CADPS2: variants seen among roughly 807,000 people sequenced by gnomAD.
CADPS2 encodes the protein calcium dependent secretion activator 2.
CADPS2 carries 93 observed loss-of-function variants against 172.5 expected under a neutral mutation model. That is an observed-to-expected ratio of 0.54 (90% confidence interval 0.46 to 0.64). The LOEUF (loss-of-function observed/expected upper bound fraction) is 0.64. CADPS2 is among the 30% of genes least tolerant of loss of function. The probability of loss-of-function intolerance (pLI) is 0.00; values close to 1 mark genes in which losing one functional copy is unlikely to be tolerated. For missense variants in CADPS2, 1,420 were observed against 1,565.9 expected (o/e 0.91, Z 1.57); for synonymous variants, 546 against 555.2 (o/e 0.98, Z 0.23).
At chr7:122,626,469 C>G (rs1482893152) in intron 4 of CADPS2, among the ~76,000 whole-genome samples, 1 of 152,154 alleles carries the variant, frequency 6.6e-6, no homozygotes, top group African/African-American at 2.4e-5. Context: ...GCCTGAATAT[C>G]TGGAAGGATT....
intron 15 of CADPS2, among the ~76,000 whole-genome samples, chr7:122,445,340 T>C (rs377293044): frequency 5.9e-5 from 9 of 152,058 alleles, no homozygotes; most frequent in African/African-American, 1.9e-4. Context: ...GTACAGTATC[T>C]CTCCTTCTAT....
At chr7:122,705,347 C>T (rs2086825968) in intron 2 of CADPS2, among the ~76,000 whole-genome samples, 2 of 148,706 alleles carry the variant, frequency 1.3e-5, no homozygotes, top group Admixed American at 1.4e-4. Context: ...TTTCTAACAG[C>T]CAAATATTGA....
intron 9 of CADPS2, among the ~76,000 whole-genome samples, chr7:122,504,174 T>C (rs895060034): frequency 6.6e-6 from 1 of 152,228 alleles, no homozygotes; most frequent in African/African-American, 2.4e-5. Flanking sequence ...ATATCTCATT[T>C]AATTTTTCTG....
intron 7 of CADPS2, among the ~76,000 whole-genome samples, chr7:122,561,793 A>T (rs1357713683): frequency 6.6e-6 from 1 of 152,050 alleles, no homozygotes. Context: ...TAACATATCC[A>T]TTTCTTGACT....
rs375783744 is a variant in CADPS2 at position 122,618,583 on chromosome 7, C to T, written c.1104+2898G>A. 1.6e-4 allele frequency among the ~76,000 whole-genome samples: 25 copies of T among 152,232 alleles called. No individual in the cohort carries two copies. In the East Asian group the frequency reaches 3.9e-3, roughly 24 times the overall value. Reference sequence around the variant, plus strand: ...TTTTCAAATCTGCACTTTATTCCTTCGACTCAGTATAGTTCTTAGAAAAGA... The same window carrying T: ...TTTTCAAATCTGCACTTTATTCCTTTGACTCAGTATAGTTCTTAGAAAAGA... On this transcript the variant is annotated intron_variant, in intron 5 of 29. Coordinates refer to ENST00000449022, the MANE Select transcript of CADPS2 (RefSeq NM_017954.11).
rs1471211159 is a variant in CADPS2 at position 122,393,117 on chromosome 7, C to T, written c.3008+79G>A. ...CCAACGATGACAAATGCCATGCAGTCTAAACACATCTGCGCAGAACACAGC... is the reference window on the plus strand; with the variant it reads ...CCAACGATGACAAATGCCATGCAGTTTAAACACATCTGCGCAGAACACAGC... On this transcript the variant is annotated intron_variant, in intron 22 of 29. Transcript: ENST00000449022. 8 of 1,519,372 alleles carry T rather than the reference C, an allele frequency of 5.3e-6. No homozygotes were observed. The South Asian group carries it at 8.6e-5, about 16-fold the overall frequency. The allele number at this position is 1,519,372 out of a possible 1,614,324, so 94.1% of individuals were successfully genotyped here. A position where few individuals can be genotyped will look rare whatever the true frequency, so the allele number is the denominator to read the frequency against.
intron 2 of CADPS2, chr7:122,702,598 C>T (rs771162238): frequency 8.8e-5 from 142 of 1,613,662 alleles, no homozygotes; most frequent in Middle Eastern, 1.7e-4. Flanking sequence ...CCGATGTGAT[C>T]TCATTTCCAA....
At chr7:122,876,948 G>A (rs1390695265) in intron 1 of CADPS2, among the ~76,000 whole-genome samples, 1 of 151,780 alleles carries the variant, frequency 6.6e-6, no homozygotes, top group African/African-American at 2.4e-5. Context: ...AACTATTCTA[G>A]AGCACATATA....
At chr7:122,698,994 G>C in intron 2 of CADPS2, 4 of 1,092,646 alleles carry the variant, frequency 3.7e-6, no homozygotes, top group Non-Finnish European at 5.2e-6. Context: ...AAATAACGAA[G>C]AGAAAAAAAT....
chr7:122,574,452 A>AAAAAAAAAAAAAC (rs2067704999), intron 7 of CADPS2, among the ~76,000 whole-genome samples: 1 of 148,014 alleles, frequency 6.8e-6, no homozygotes, highest in African/African-American at 2.5e-5. Flanking sequence ...TCTTAAAAAA[A>AAAAAAAAAAAAAC]AAAAAAAAAA....
At chr7:122,465,706 A>G (rs2055045789) in intron 14 of CADPS2, among the ~76,000 whole-genome samples, 1 of 152,148 alleles carries the variant, frequency 6.6e-6, no homozygotes, top group Non-Finnish European at 1.5e-5. Flanking sequence ...GCTGGTGCCA[A>G]AAAGGTTGAG....
At chr7:122,615,065 A>G (rs2074742855) in intron 6 of CADPS2, 116 bp downstream of exon 6, 1 of 511,488 alleles carries the variant, frequency 2.0e-6, no homozygotes, top group Non-Finnish European at 3.4e-6. Context: ...AAAGTTAGCC[A>G]AATAGCAGTT....
chr7:122,510,659 C>A (rs1292077158), intron 9 of CADPS2, among the ~76,000 whole-genome samples: 2 of 152,176 alleles, frequency 1.3e-5, no homozygotes, highest in Non-Finnish European at 2.9e-5. Flanking sequence ...CAGCGGCAGA[C>A]ACAGCAGGGG....
chr7:122,751,764 A>G (rs1194742292), intron 1 of CADPS2, among the ~76,000 whole-genome samples: 4 of 152,130 alleles, frequency 2.6e-5, no homozygotes, highest in African/African-American at 9.7e-5. Flanking sequence ...AAACCTACAC[A>G]ATACTAAACA....
chr7:122,690,871 G>A (rs918773637), intron 2 of CADPS2, among the ~76,000 whole-genome samples: 87 of 152,254 alleles, frequency 5.7e-4, no homozygotes, highest in African/African-American at 1.9e-3. Context: ...TAGAATGGCC[G>A]GACTGTGACA....
At chr7:122,357,326 T>TA (rs1487052372) in intron 27 of CADPS2, 1 of 152,180 alleles carries the variant, frequency 6.6e-6, no homozygotes, top group Non-Finnish European at 1.5e-5. Context: ...AATGCTTATT[T>TA]ATAAGTTCCA....
intron 1 of CADPS2, among the ~76,000 whole-genome samples, chr7:122,760,401 TA>T (rs2093338395): frequency 6.6e-6 from 1 of 152,054 alleles, no homozygotes; most frequent in East Asian, 1.9e-4. Flanking sequence ...CACATCTCAC[TA>T]AAAGTAAACA....
chr7:122,361,246 TAA>T (rs199505684), intron 25 of CADPS2, among the ~76,000 whole-genome samples: 11,669 of 108,910 alleles, frequency 0.11, 1,317 homozygotes, highest in Non-Finnish European at 0.13. Flanking sequence ...TTTTTTTTTT[TAA>T]AATGAGATGG....
At chr7:122,583,727 T>C (rs559899321) in intron 6 of CADPS2, among the ~76,000 whole-genome samples, 20 of 151,390 alleles carry the variant, frequency 1.3e-4, no homozygotes, top group Admixed American at 6.6e-4. Flanking sequence ...CACAATAGCA[T>C]ATATAACAGA....
Sources: allele counts gnomAD v4.1 joint callset (sites outside exome capture counted in the v4.1 genomes callset), GRCh38; gene constraint gnomAD v4.1.1; transcripts MANE v1.5; gene names NCBI Gene and HGNC (gene_info 2026-07-23, HGNC 2026-07-21).